Variants in ANK2 observed in about 807,000 individuals in gnomAD.
ANK2 encodes ankyrin 2.
ANK2 carries 83 observed loss-of-function variants against 360.5 expected under a neutral mutation model. The ratio of observed to expected loss-of-function variants is 0.23; its 90% confidence interval spans 0.19 to 0.28. ANK2 has a LOEUF of 0.28. Ranked by LOEUF, ANK2 falls within the 10% of genes least tolerant of loss-of-function variation. The pLI, the probability that ANK2 is intolerant of heterozygous loss-of-function variation, is 1.00. For synonymous variants in ANK2, 1,740 were observed against 1,759.5 expected (o/e 0.99, Z 0.28); for missense variants, 4,201 against 4,795.7 (o/e 0.88, Z 3.66).
intron 18 of ANK2, among the ~76,000 whole-genome samples, chr4:113,283,715 C>A (rs2063298127): frequency 6.6e-6 from 1 of 152,168 alleles, no homozygotes; most frequent in Non-Finnish European, 1.5e-5. Context: ...CTGAGAAACA[C>A]AGAATTGGAA....
intron 4 of ANK2, among the ~76,000 whole-genome samples, chr4:113,207,772 GCACT>G (rs1426039615): frequency 7.3e-5 from 11 of 151,394 alleles, no homozygotes; most frequent in South Asian, 2.1e-4. Flanking sequence ...AATAATTCAC[GCACT>G]CACTCACTCA....
At chr4:113,107,683 T>C (rs1450415948) in intron 1 of ANK2, among the ~76,000 whole-genome samples, 1 of 152,210 alleles carries the variant, frequency 6.6e-6, no homozygotes, top group Non-Finnish European at 1.5e-5. Flanking sequence ...ATCTACTTTA[T>C]TATCTTATGC....
intron 2 of ANK2, among the ~76,000 whole-genome samples, chr4:113,042,084 T>G (rs1219188745): frequency 6.6e-6 from 1 of 152,178 alleles, no homozygotes; most frequent in East Asian, 1.9e-4. Flanking sequence ...ATCAGTCAAC[T>G]GAGTAAAGAA....
chr4:113,030,878 A>G (rs1195085186), intron 2 of ANK2, among the ~76,000 whole-genome samples: 5 of 152,082 alleles, frequency 3.3e-5, no homozygotes, highest in African/African-American at 1.2e-4. Flanking sequence ...TAAGAATAGG[A>G]AAAGATTTTT....
intron 2 of ANK2, among the ~76,000 whole-genome samples, chr4:112,923,998 TTTAAAG>T (rs1197624478): frequency 6.6e-6 from 1 of 152,212 alleles, no homozygotes; most frequent in African/African-American, 2.4e-5. Flanking sequence ...TAAAAATGAT[TTTAAAG>T]TTAATTAAAA....
intron 1 of ANK2, among the ~76,000 whole-genome samples, chr4:112,876,646 G>T (rs2075210406): frequency 6.6e-6 from 1 of 152,130 alleles, no homozygotes; most frequent in South Asian, 2.1e-4. Context: ...GCTTGTCTGA[G>T]ACTAGGCTAG....
At chr4:112,758,139 T>A in the ANK2 span, among the ~76,000 whole-genome samples, 1 of 151,946 alleles carries the variant, frequency 6.6e-6, no homozygotes, top group Non-Finnish European at 1.5e-5. Context: ...CGACCTCAGG[T>A]GATCCGCCCG....
chr4:112,960,355 T>C (rs1315920307), intron 2 of ANK2, among the ~76,000 whole-genome samples: 1 of 152,108 alleles, frequency 6.6e-6, no homozygotes, highest in African/African-American at 2.4e-5. Flanking sequence ...GCCTTTTTTT[T>C]TTTTTAAATC....
chr4:112,826,831 A>G, intron 1 of ANK2: 1 of 1,275,582 alleles, frequency 7.8e-7, no homozygotes, highest in Non-Finnish European at 1.1e-6. Context: ...AAAGTAAAAG[A>G]GAATGGAACA....
intron 1 of ANK2, among the ~76,000 whole-genome samples, chr4:112,826,123 A>G (rs1470079440): frequency 6.6e-6 from 1 of 152,214 alleles, no homozygotes; most frequent in East Asian, 1.9e-4. Flanking sequence ...TTCCATATGC[A>G]AGACCCTGTA....
intron 1 of ANK2, among the ~76,000 whole-genome samples, chr4:112,856,450 G>A (rs548597037): frequency 3.7e-4 from 57 of 152,106 alleles, no homozygotes; most frequent in African/African-American, 7.7e-4. Flanking sequence ...ATTATTGGCC[G>A]GGTGTGGTGG....
At chr4:113,017,136 G>A (rs1026866809) in intron 2 of ANK2, among the ~76,000 whole-genome samples, 2 of 152,046 alleles carry the variant, frequency 1.3e-5, no homozygotes, top group African/African-American at 4.8e-5. Context: ...GCTAATCTTT[G>A]ACCTCTTATA....
chr4:113,199,199 C>G, intron 4 of ANK2, 90 bp downstream of exon 4: 1 of 1,009,534 alleles, frequency 9.9e-7, no homozygotes, highest in Admixed American at 1.9e-5. Flanking sequence ...AGCTGTTCTA[C>G]TGATAAATTT....
In ANK2 at chr4:113,051,350, A is replaced by G. The variant is rs77277548; in HGVS notation, c.84+1538A>G. 5.4e-4 allele frequency among the ~76,000 whole-genome samples: 82 copies of G among 152,286 alleles called. No homozygotes were observed. The East Asian group carries it at 5.4e-3, about 10-fold the overall frequency. On this transcript the variant is annotated intron_variant, in intron 1 of 45. Transcript: ENST00000357077. ...TTAAAGGGGTGGAGAATGAATCTTG[A>G]GATTTTTGAGCTCTGAATGATGATA...
chr4:113,215,024 A>G (rs1003034009), intron 4 of ANK2, among the ~76,000 whole-genome samples: 5 of 152,116 alleles, frequency 3.3e-5, no homozygotes, highest in Admixed American at 1.3e-4. Flanking sequence ...TTTAAATCAT[A>G]CCCCTTAAAA....
At chr4:113,235,366 AC>A (rs1252538701) in intron 5 of ANK2, among the ~76,000 whole-genome samples, 1 of 152,192 alleles carries the variant, frequency 6.6e-6, no homozygotes, top group East Asian at 1.9e-4. Flanking sequence ...TATTAAAAAA[AC>A]GATTATTATT....
At chr4:113,280,947 C>CT (rs1298327382) in intron 17 of ANK2, among the ~76,000 whole-genome samples, 1 of 152,052 alleles carries the variant, frequency 6.6e-6, no homozygotes, top group African/African-American at 2.4e-5. Context: ...TCTGTGTGTC[C>CT]TTTTTTTCAA....
At chr4:113,225,307 A>T (rs1161356517) in intron 4 of ANK2, among the ~76,000 whole-genome samples, 2 of 152,140 alleles carry the variant, frequency 1.3e-5, no homozygotes, top group Non-Finnish European at 2.9e-5. Flanking sequence ...GCCTTAAATG[A>T]TTCTATATAG....
chr4:112,939,911 T>C (rs2094080244), intron 2 of ANK2, among the ~76,000 whole-genome samples: 1 of 152,246 alleles, frequency 6.6e-6, no homozygotes, highest in African/African-American at 2.4e-5. Context: ...TCAACGATCA[T>C]AATATGCTTT....
Sources: gnomAD v4.1 joint callset for allele counts (sites outside exome capture counted in the v4.1 genomes callset) on GRCh38, gnomAD v4.1.1 for gene constraint, MANE v1.5 for transcripts, NCBI Gene and HGNC (gene_info 2026-07-23, HGNC 2026-07-21) for gene names.